The following ACACB variants were observed in gnomAD, a reference collection of about 807,000 sequenced individuals.
The protein encoded by ACACB is acetyl-CoA carboxylase beta.
In ACACB, 209 loss-of-function variants were observed where a neutral mutation model predicts 278.8. The observed-to-expected ratio is 0.75, with a 90% CI of 0.67 to 0.84. The LOEUF (loss-of-function observed/expected upper bound fraction) is 0.84, where lower values mean the gene tolerates loss of function less well. Ranked by LOEUF, ACACB falls within the 40% of genes least tolerant of loss-of-function variation. The pLI, the probability that ACACB is intolerant of heterozygous loss-of-function variation, is 0.00. For missense variants in ACACB, 2,850 were observed against 3,269.0 expected (o/e 0.87, Z 3.13); for synonymous variants, 1,174 against 1,285.6 (o/e 0.91, Z 1.86).
intron 21 of ACACB, among the ~76,000 whole-genome samples, chr12:109,210,479 ATATGTGTATATATACATG>A (rs1390517540): frequency 6.7e-6 from 1 of 148,322 alleles, no homozygotes; most frequent in East Asian, 2.0e-4. Context: ...ATACATGTGT[ATATGTGTATATATACATG>A]TATGTGTATA....
intron 15 of ACACB, 136 bp from the exon 16 acceptor site, chr12:109,193,512 C>T (rs576798880): frequency 1.4e-6 from 1 of 699,690 alleles, no homozygotes; most frequent in Non-Finnish European, 2.5e-6. Flanking sequence ...GCCATTGCGC[C>T]CAGCCCAGGC....
intron 21 of ACACB, among the ~76,000 whole-genome samples, chr12:109,210,669 C>T (rs889892567): frequency 6.6e-5 from 10 of 151,142 alleles, no homozygotes; most frequent in Non-Finnish European, 1.5e-5. Flanking sequence ...AATCCCAGCA[C>T]GTTGGGAGGC....
intron 43 of ACACB, 32 bp from the exon 44 acceptor site, chr12:109,254,182 G>C: frequency 6.2e-7 from 1 of 1,612,738 alleles, no homozygotes; most frequent in African/African-American, 1.3e-5. Context: ...AAGCACCACA[G>C]ACTAAGTCAG....
chr12:109,157,673 G>A (rs2043587838), intron 2 of ACACB, among the ~76,000 whole-genome samples: 1 of 152,188 alleles, frequency 6.6e-6, no homozygotes, highest in African/African-American at 2.4e-5. Flanking sequence ...GACAGAGTTC[G>A]GTTATGAAAG....
intron 31 of ACACB, among the ~76,000 whole-genome samples, chr12:109,234,275 G>C (rs1390921371): frequency 6.6e-6 from 1 of 152,180 alleles, no homozygotes; most frequent in East Asian, 1.9e-4. Context: ...CAATGACAAA[G>C]TATATACACG....
chr12:109,210,299 GTATA>G (rs1295528495), intron 21 of ACACB, among the ~76,000 whole-genome samples: 3 of 83,950 alleles, frequency 3.6e-5, no homozygotes, highest in African/African-American at 5.8e-5. Flanking sequence ...GTGTGTATAT[GTATA>G]TATACACACA....
intron 12 of ACACB, 138 bp from the exon 13 acceptor site, chr12:109,187,861 G>A: frequency 2.4e-6 from 2 of 835,854 alleles, no homozygotes; most frequent in Non-Finnish European, 3.6e-6. Context: ...CCTGTAACAA[G>A]CGATATCAGT....
chr12:109,203,744 A>G (rs2045408673), intron 19 of ACACB, among the ~76,000 whole-genome samples: 1 of 152,186 alleles, frequency 6.6e-6, no homozygotes, highest in Non-Finnish European at 1.5e-5. Flanking sequence ...GGGCACCTCC[A>G]ATTTAGATTC....
Position 109,239,953 on chromosome 12 carries a change from T to G in ACACB, c.4786T>G (p.Phe1596Val), listed in dbSNP as rs1236307555. The G allele has an allele frequency of 6.2e-7, 1 of 1,614,106 alleles. No individual in the cohort carries two copies. ...CGACTGCAACCACATCTTCCTCAAC[T>G]TCGTGCCCACTGTCATCATGGACCC... ...RTDCNHIFLN[F>V]VPTVIMDPFK... The change falls in exon 35 of 53, where the codon TTC becomes GTC. Residue 1596 changes from phenylalanine (F) to valine (V), a missense_variant. By Grantham distance (50) the Phe-to-Val change is conservative. Coordinates refer to ENST00000338432, the MANE Select transcript of ACACB (RefSeq NM_001093.4).
intron 22 of ACACB, among the ~76,000 whole-genome samples, chr12:109,215,039 T>A (rs1421618854): frequency 6.6e-6 from 1 of 150,996 alleles, no homozygotes; most frequent in Non-Finnish European, 1.5e-5. Flanking sequence ...GAGATTACAG[T>A]GAGCTGTGAT....
At chr12:109,225,767 A>G (rs1207782785) in intron 27 of ACACB, among the ~76,000 whole-genome samples, 1 of 152,218 alleles carries the variant, frequency 6.6e-6, no homozygotes, top group Non-Finnish European at 1.5e-5. Context: ...CTTGAACTGC[A>G]TCCAGTCTAA....
rs571972807 is a variant in ACACB, at chr12:109,250,794, G to A, written c.5790+690G>A. Reference sequence around the variant, plus strand: ...GAGACCGAGGCAAGTCTCTCAGCAGGAGTGAAAGTTTATTAAAAAGTTTTA... The same window carrying A: ...GAGACCGAGGCAAGTCTCTCAGCAGAAGTGAAAGTTTATTAAAAAGTTTTA... On this transcript the variant is annotated intron_variant, in intron 41 of 52. Coordinates refer to ENST00000338432, the MANE Select transcript of ACACB (RefSeq NM_001093.4). 5.2e-4 allele frequency among the ~76,000 whole-genome samples: 79 copies of A among 152,248 alleles called. No homozygotes were observed. In the Middle Eastern group the frequency reaches 0.031, roughly 59 times the overall value.
In ACACB at chr12:109,176,216, A is replaced by G. The variant is rs2044278874; in HGVS notation, c.1390A>G (p.Ile464Val). 1 of 1,614,096 alleles carries G rather than the reference A, an allele frequency of 6.2e-7. No homozygotes were observed. Among genetic ancestry groups the G allele is most frequent in the Admixed American group, 1.7e-5 (1 of 60,008 alleles). Reference sequence around the variant, plus strand: ...TTCTGAAGGTGGCGGAGGGAAGGGAATCCGGAAGGCTGAGAGTGCGGAGGA... The same window carrying G: ...TTCTGAAGGTGGCGGAGGGAAGGGAGTCCGGAAGGCTGAGAGTGCGGAGGA... ...KASEGGGGKGIRKAESAEDFP... is the reference protein window; with the variant it reads ...KASEGGGGKGVRKAESAEDFP... Residue 464 changes from isoleucine (I) to valine (V), a missense_variant, in exon 9 of 53, where the codon ATC becomes GTC. Transcript: ENST00000338432.
At chr12:109,209,385 C>G (rs373542502) in intron 21 of ACACB, 32 bp downstream of exon 21, 1 of 1,585,294 alleles carries the variant, frequency 6.3e-7, no homozygotes, top group Admixed American at 1.7e-5. Flanking sequence ...CCCACCCCAC[C>G]AGGATGGTCA....
chr12:109,214,750 A>G (rs1350496673), intron 22 of ACACB, among the ~76,000 whole-genome samples: 4 of 152,166 alleles, frequency 2.6e-5, no homozygotes, highest in Admixed American at 2.6e-4. Context: ...ATCTCCTGAG[A>G]AACTTGACTC....
intron 49 of ACACB, 151 bp downstream of exon 49, chr12:109,262,620 T>C: frequency 1.7e-6 from 1 of 592,230 alleles, no homozygotes; most frequent in Non-Finnish European, 3.0e-6. Context: ...TTCACATTTG[T>C]CTGTTTGTTT....
Position 109,191,872 on chromosome 12 carries a change from G to A in ACACB, c.2321G>A (p.Gly774Glu), listed in dbSNP as rs761980605. 1.2e-6 allele frequency: 2 copies of A among 1,614,212 alleles called. No individual in the cohort carries two copies. The highest frequency in any genetic ancestry group is 1.3e-5 in the African/African-American group (1 of 75,050). ...VQAEKPDIML[G>E]VVCGALNVAD... is the part of the protein sequence containing the mutation. ...GCGGAGAAACCGGATATCATGCTTG[G>A]GGTGGTATGCGGGGCCTTGAACGTG... Residue 774 changes from glycine (G) to glutamate (E), a missense_variant, in exon 15 of 53, where the codon GGG becomes GAG. Gly to Glu is a moderately conservative substitution (Grantham distance 98). Coordinates refer to ENST00000338432, the MANE Select transcript of ACACB (RefSeq NM_001093.4).
chr12:109,185,588 G>T lies in ACACB; in HGVS notation c.1828G>T (p.Gly610Cys). The T allele has an allele frequency of 6.2e-7, 1 of 1,613,752 alleles. No individual in the cohort carries two copies. Among genetic ancestry groups the T allele is most frequent in the Non-Finnish European group, 8.5e-7 (1 of 1,179,994 alleles). Residue 610 changes from glycine to cysteine, a missense_variant, in exon 12 of 53, where the codon GGC becomes TGC. Around this residue, in one of 3 missense-constraint regions of ACACB, gnomAD observed 2,265 missense variants for 2,561.3 expected, o/e 0.88. Coordinates refer to ENST00000338432, the MANE Select transcript of ACACB (RefSeq NM_001093.4). ...GATCTCTTGATTTTAGATCGCCATG[G>T]GCGTGCCACTGCACCGGCTGAAGGA... ...LPAAQLQIAM[G>C]VPLHRLKDIR...
intron 19 of ACACB, among the ~76,000 whole-genome samples, chr12:109,202,159 C>G (rs1334304646): frequency 6.6e-6 from 1 of 152,060 alleles, no homozygotes; most frequent in Non-Finnish European, 1.5e-5. Context: ...GCATTCTTGA[C>G]CATTGACCAC....
Sources: gnomAD v4.1 joint callset for allele counts (sites outside exome capture counted in the v4.1 genomes callset) on GRCh38, gnomAD v4.1.1 for gene constraint, gnomAD v4.1.1 regional missense constraint, MANE v1.5 for transcripts, NCBI Gene and HGNC (gene_info 2026-07-23, HGNC 2026-07-21) for gene names.